Variants in QRFPR observed in about 807,000 individuals in gnomAD.
QRFPR encodes the protein pyroglutamylated RFamide peptide receptor.
In QRFPR, 37 loss-of-function variants were observed where a neutral mutation model predicts 31.3. The observed-to-expected ratio is 1.18, with a 90% CI of 0.91 to 1.56. QRFPR has a LOEUF of 1.56. Ranked by LOEUF, QRFPR falls within the 40% of genes most tolerant of loss-of-function variation. The pLI, the probability that QRFPR is intolerant of heterozygous loss-of-function variation, is 0.00. For missense variants in QRFPR, 542 were observed against 532.5 expected (o/e 1.02, Z -0.18); for synonymous variants, 197 against 192.0 (o/e 1.03, Z -0.22).
At chr4:121,374,383 G>A (rs1418872805) in intron 1 of QRFPR, among the ~76,000 whole-genome samples, 1 of 152,154 alleles carries the variant, frequency 6.6e-6, no homozygotes, top group African/African-American at 2.4e-5. Flanking sequence ...TTTAAAAAGT[G>A]TTTACATCTA....
chr4:121,349,464 T>G (rs931042947), intron 1 of QRFPR, among the ~76,000 whole-genome samples: 5 of 152,234 alleles, frequency 3.3e-5, no homozygotes, highest in African/African-American at 1.2e-4. Context: ...CTTCCAACTC[T>G]TCTAATTTAT....
chr4:121,380,706 G>A lies in QRFPR; in HGVS notation c.-59C>T. The A allele has an allele frequency of 7.0e-7, 1 of 1,438,086 alleles. No homozygotes were observed. The highest frequency in any genetic ancestry group is 9.2e-7 in the Non-Finnish European group (1 of 1,082,862). The allele number at this position is 1,438,086 out of a possible 1,614,324, so 89.1% of individuals were successfully genotyped here. A position where few individuals can be genotyped will look rare whatever the true frequency, so the allele number is the denominator to read the frequency against. ...CGCTACTGGCTGGCCATCCGCATCT[G>A]CGGGGCAGCGAGGGCTTCGGGGGAC... is the stretch of plus-strand genomic sequence containing the variant. On this transcript the variant is annotated 5_prime_UTR_variant, in exon 1 of 6. Coordinates refer to ENST00000394427, the MANE Select transcript of QRFPR (RefSeq NM_198179.3).
At position 121,337,421 on chromosome 4, in the gene QRFPR, TC is replaced by T. The variant is rs749407812; in HGVS notation, c.500-554del. 2.2e-4 allele frequency among the ~76,000 whole-genome samples: 33 copies of T among 152,334 alleles called. 1 individual carries two copies. Among genetic ancestry groups the T allele is most frequent in the Non-Finnish European group, 2.6e-4 (18 of 68,034 alleles). On this transcript the variant is annotated intron_variant, in intron 2 of 5. Coordinates refer to ENST00000394427, the MANE Select transcript of QRFPR (RefSeq NM_198179.3). ...TCTCTACATGCCCTCTAGTGCAGTG[TC>T]TTCGTTGCCCTTACTCACTTCTCAA...
chr4:121,354,055 C>A (rs1231925449), intron 1 of QRFPR, among the ~76,000 whole-genome samples: 1 of 152,002 alleles, frequency 6.6e-6, no homozygotes, highest in Non-Finnish European at 1.5e-5. Context: ...TTATTCAGTT[C>A]AATTGGTCTA....
Position 121,354,161 on chromosome 4 carries a change from C to G in QRFPR, c.341-13551G>C, listed in dbSNP as rs1725819420. On this transcript the variant is annotated intron_variant, in intron 1 of 5. Transcript: ENST00000394427. ...ATCGTGCGGTTTTTCCACCTTTGTTCTTTTTGCTCGGGATGGCTTTGGCTA... is the reference window on the plus strand; with the variant it reads ...ATCGTGCGGTTTTTCCACCTTTGTTGTTTTTGCTCGGGATGGCTTTGGCTA... 2.6e-5 allele frequency among the ~76,000 whole-genome samples: 4 copies of G among 151,952 alleles called. No homozygotes were observed. The South Asian group carries it at 8.3e-4, about 31-fold the overall frequency.
At chr4:121,362,298 T>C (rs1726009136) in intron 1 of QRFPR, among the ~76,000 whole-genome samples, 1 of 150,058 alleles carries the variant, frequency 6.7e-6, no homozygotes, top group Non-Finnish European at 1.5e-5. Flanking sequence ...TTTCTTTTAG[T>C]TCTCTTTCTT....
chr4:121,344,681 A>C (rs563894646), intron 1 of QRFPR, among the ~76,000 whole-genome samples: 26 of 152,290 alleles, frequency 1.7e-4, no homozygotes, highest in African/African-American at 6.3e-4. Flanking sequence ...GCACTTTTCA[A>C]GGTCTAGACG....
rs757426668 is a variant in QRFPR, at chr4:121,377,410, TA to T, written c.340+2897del. On this transcript the variant is annotated intron_variant, in intron 1 of 5. Transcript: ENST00000394427. ...AGGTTTTTACATAACTATATATATA[TA>T]TATTTTTTTTTTTTTCCTCCCCAGT... 8.3e-4 allele frequency among the ~76,000 whole-genome samples: 89 copies of T among 107,406 alleles called. 1 individual carries two copies. The highest frequency in any genetic ancestry group is 1.8e-3 in the African/African-American group (55 of 31,192). 70.5% of individuals were successfully genotyped at this position (107,406 alleles called of 152,430 possible).
intron 3 of QRFPR, among the ~76,000 whole-genome samples, chr4:121,336,251 T>A (rs2110468363): frequency 6.6e-6 from 1 of 152,182 alleles, no homozygotes; most frequent in South Asian, 2.1e-4. Flanking sequence ...TGAAACCAAC[T>A]CAGCACTCTC....
intron 1 of QRFPR, chr4:121,370,361 C>A: frequency 1.3e-6 from 1 of 747,580 alleles, no homozygotes; most frequent in South Asian, 1.3e-5. Flanking sequence ...GGCTGAGATC[C>A]AGGTGTTTTT....
At chr4:121,355,475 G>A (rs1419836824) in intron 1 of QRFPR, among the ~76,000 whole-genome samples, 1 of 151,942 alleles carries the variant, frequency 6.6e-6, no homozygotes, top group Non-Finnish European at 1.5e-5. Flanking sequence ...CAGATTAAAG[G>A]TTAGTTGACT....
chr4:121,359,655 GTGTATA>G (rs1725943875), intron 1 of QRFPR, among the ~76,000 whole-genome samples: 1 of 66,618 alleles, frequency 1.5e-5, no homozygotes, highest in Non-Finnish European at 3.8e-5. Context: ...GTATATATAT[GTGTATA>G]TATATATATG....
chr4:121,365,582 T>C (rs992663334), intron 1 of QRFPR, among the ~76,000 whole-genome samples: 1 of 5,648 alleles, frequency 1.8e-4, no homozygotes, highest in Non-Finnish European at 2.9e-4. Context: ...TAATATATAT[T>C]ATATATATTA....
At chr4:121,370,382 A>G in intron 1 of QRFPR, 1 of 719,790 alleles carries the variant, frequency 1.4e-6, no homozygotes, top group Non-Finnish European at 2.6e-6. Flanking sequence ...TCTATATAGA[A>G]TCCCTGCCAC....
chr4:121,335,587 GGGC>G lies in QRFPR; in HGVS notation c.561+1217_561+1219del, dbSNP rs201725366. Among the ~76,000 whole-genome samples, 98 of 61,236 alleles carry G rather than the reference GGGC, an allele frequency of 1.6e-3. 5 individuals carry two copies. In the East Asian group the frequency reaches 0.031, roughly 19 times the overall value. 40.2% of individuals were successfully genotyped at this position (61,236 alleles called of 152,430 possible). A position where few individuals can be genotyped will look rare whatever the true frequency, so the allele number is the denominator to read the frequency against. On this transcript the variant is annotated intron_variant, in intron 3 of 5. Transcript: ENST00000394427. ...CCAATTGTATGGGGGGTGGGGGGTGGGGCGGGGAGAGGAGTGGGGCAGGGGAGA... is the reference window on the plus strand; with the variant it reads ...CCAATTGTATGGGGGGTGGGGGGTGGGGGGAGAGGAGTGGGGCAGGGGAGA...
At chr4:121,335,866 G>A (rs763587316) in intron 3 of QRFPR, among the ~76,000 whole-genome samples, 43 of 152,054 alleles carry the variant, frequency 2.8e-4, no homozygotes, top group Non-Finnish European at 5.3e-4. Context: ...TTTCATTCAT[G>A]ATATTTCACC....
chr4:121,348,975 T>C lies in QRFPR; in HGVS notation c.341-8365A>G, dbSNP rs1013138935. ...AGCCAGGAGTGGTGGCAGGGGACTG[T>C]AGTCCCAGCTACTCGGGAGGCTGAG... On this transcript the variant is annotated intron_variant, in intron 1 of 5. Transcript: ENST00000394427. 9.9e-5 allele frequency among the ~76,000 whole-genome samples: 15 copies of C among 152,052 alleles called. 1 individual carries two copies. Among genetic ancestry groups the C allele is most frequent in the African/African-American group, 3.6e-4 (15 of 41,394 alleles).
intron 1 of QRFPR, chr4:121,370,163 C>A (rs1295505403): frequency 2.6e-6 from 2 of 768,468 alleles, no homozygotes; most frequent in Non-Finnish European, 4.8e-6. Flanking sequence ...GATACTTGTG[C>A]TCTGAAATCA....
At chr4:121,369,837 A>G (rs1726198658) in intron 1 of QRFPR, 1 of 1,038,968 alleles carries the variant, frequency 9.6e-7, no homozygotes, top group Non-Finnish European at 1.5e-6. Flanking sequence ...GACAGGGCTG[A>G]TGCAGGTGGC....
Sources: allele counts gnomAD v4.1 joint callset (sites outside exome capture counted in the v4.1 genomes callset), GRCh38; gene constraint gnomAD v4.1.1; transcripts MANE v1.5; gene names NCBI Gene and HGNC (gene_info 2026-07-23, HGNC 2026-07-21).